The following WWOX variants were observed in gnomAD, a reference collection of about 807,000 sequenced individuals.
The protein encoded by WWOX is WW domain containing oxidoreductase, also known as WW domain-containing oxidoreductase.
Under a neutral mutation model 46.2 loss-of-function variants are expected in WWOX, and 69 were observed. That is an observed-to-expected ratio of 1.49 (90% CI 1.23 to 1.82). The LOEUF (loss-of-function observed/expected upper bound fraction) is 1.82, where lower values mean the gene tolerates loss of function less well. Ranked by LOEUF, WWOX falls within the 40% of genes most tolerant of loss-of-function variation. The probability of loss-of-function intolerance (pLI) is 0.00; values close to 1 mark genes in which losing one functional copy is unlikely to be tolerated. For synonymous variants in WWOX, 359 were observed against 202.6 expected (o/e 1.77, Z -6.56); for missense variants, 919 against 542.6 (o/e 1.69, Z -6.89).
intron 8 of WWOX, among the ~76,000 whole-genome samples, chr16:79,045,247 A>G (rs2048042983): frequency 6.6e-6 from 1 of 152,226 alleles, no homozygotes; most frequent in Non-Finnish European, 1.5e-5. Context: ...AGAGCTTTCT[A>G]AGGGTACAGA....
chr16:78,832,769 G>A (rs1021818258), intron 8 of WWOX, among the ~76,000 whole-genome samples: 1 of 152,124 alleles, frequency 6.6e-6, no homozygotes, highest in African/African-American at 2.4e-5. Flanking sequence ...AGGTGAGTTG[G>A]GGAGGCGCCT....
At chr16:78,421,182 G>C (rs1391365274) in intron 6 of WWOX, among the ~76,000 whole-genome samples, 4 of 152,158 alleles carry the variant, frequency 2.6e-5, no homozygotes, top group African/African-American at 9.7e-5. Context: ...CACAGATGGA[G>C]TGCCTCAAAA....
intron 8 of WWOX, among the ~76,000 whole-genome samples, chr16:78,654,200 G>A (rs1217799245): frequency 4.0e-5 from 6 of 151,564 alleles, no homozygotes; most frequent in Non-Finnish European, 8.9e-5. Flanking sequence ...TCACCTGGGT[G>A]GGCGATTTGA....
intron 4 of WWOX, among the ~76,000 whole-genome samples, chr16:78,141,974 C>G (rs146146695): frequency 7.1e-6 from 1 of 141,654 alleles, no homozygotes; most frequent in African/African-American, 2.7e-5. Context: ...TAAATTCTTC[C>G]TTATAAAATT....
chr16:78,753,108 A>T (rs2049527590), intron 8 of WWOX, among the ~76,000 whole-genome samples: 2 of 152,140 alleles, frequency 1.3e-5, no homozygotes, highest in Admixed American at 1.3e-4. Context: ...CATCCTGGCT[A>T]ACATGGTGAA....
chr16:79,106,272 G>C (rs1338970856), intron 8 of WWOX, among the ~76,000 whole-genome samples: 2 of 152,084 alleles, frequency 1.3e-5, no homozygotes, highest in African/African-American at 4.8e-5. Flanking sequence ...AACTTCCTAG[G>C]GGAGCACATT....
chr16:79,014,587 A>T (rs529921269), intron 8 of WWOX, among the ~76,000 whole-genome samples: 1 of 152,156 alleles, frequency 6.6e-6, no homozygotes, highest in South Asian at 2.1e-4. Context: ...AAACAACCCA[A>T]CTCCTAGCCA....
intron 8 of WWOX, among the ~76,000 whole-genome samples, chr16:79,048,342 C>A (rs536495536): frequency 6.6e-6 from 1 of 152,100 alleles, no homozygotes; most frequent in African/African-American, 2.4e-5. Context: ...ACACACATGC[C>A]GGTGCACCTG....
At chr16:78,147,689 TTTTTTTTAA>T (rs1475240723) in intron 4 of WWOX, among the ~76,000 whole-genome samples, 14 of 128,760 alleles carry the variant, frequency 1.1e-4, no homozygotes, top group Non-Finnish European at 1.8e-4. Flanking sequence ...TTTTTTTTTT[TTTTTTTTAA>T]AAAAAAAAAA....
At chr16:78,788,183 C>T (rs767991278) in intron 8 of WWOX, among the ~76,000 whole-genome samples, 3 of 152,136 alleles carry the variant, frequency 2.0e-5, no homozygotes, top group Non-Finnish European at 2.9e-5. Flanking sequence ...GATGTTGTTG[C>T]TTCTGTTTTT....
chr16:78,768,279 TAAAAAA>T lies in WWOX; in HGVS notation c.1056+335543_1056+335548del, dbSNP rs56280651. On this transcript the variant is annotated intron_variant, in intron 8 of 8. Transcript: ENST00000566780. ...GCAAGCCAAAAAGTGATAGATGAGT[TAAAAAA>T]AAAAAAAAAAAAAAAGTTGCCTGGC... 5.6e-3 allele frequency among the ~76,000 whole-genome samples: 511 copies of T among 91,968 alleles called. 10 individuals are homozygous for T. Among genetic ancestry groups the T allele is most frequent in the Middle Eastern group, 0.045 (5 of 110 alleles). 60.3% of individuals were successfully genotyped at this position (91,968 alleles called of 152,430 possible). A position where few individuals can be genotyped will look rare whatever the true frequency, so the allele number is the denominator to read the frequency against.
At chr16:78,585,676 TTTTTTTTTTTG>T (rs1360655376) in intron 8 of WWOX, among the ~76,000 whole-genome samples, 95 of 136,664 alleles carry the variant, frequency 7.0e-4, no homozygotes, top group African/African-American at 1.9e-3. Context: ...TTGTTTTGGG[TTTTTTTTTTTG>T]TTTTTTTTTG....
chr16:78,441,348 G>A (rs1191056457), intron 8 of WWOX, among the ~76,000 whole-genome samples: 3 of 152,216 alleles, frequency 2.0e-5, no homozygotes, highest in East Asian at 3.8e-4. Flanking sequence ...CATGAAAGAT[G>A]ACCAGGTGCT....
intron 8 of WWOX, among the ~76,000 whole-genome samples, chr16:78,600,697 G>A (rs79875412): frequency 0.014 from 2,097 of 152,226 alleles, 49 homozygotes; most frequent in African/African-American, 0.048. Flanking sequence ...GCCCTAGAAC[G>A]ACAGCAAGAC....
intron 8 of WWOX, among the ~76,000 whole-genome samples, chr16:79,038,469 A>G (rs1449419331): frequency 2.0e-5 from 3 of 152,184 alleles, no homozygotes; most frequent in African/African-American, 7.2e-5. Flanking sequence ...CTGGAAGGAA[A>G]TTTATTGAGA....
intron 7 of WWOX, among the ~76,000 whole-genome samples, chr16:78,431,149 C>G (rs896142102): frequency 6.6e-6 from 1 of 152,120 alleles, no homozygotes; most frequent in African/African-American, 2.4e-5. Flanking sequence ...GAGAAAGAGA[C>G]AAACGGAAAG....
At chr16:78,321,335 TGCG>T (rs2080469752) in intron 5 of WWOX, among the ~76,000 whole-genome samples, 1 of 56,538 alleles carries the variant, frequency 1.8e-5, no homozygotes, top group Non-Finnish European at 3.5e-5. Flanking sequence ...TACGTATATA[TGCG>T]TATATATATA....
chr16:78,444,119 T>C (rs533386578), intron 8 of WWOX, among the ~76,000 whole-genome samples: 224 of 152,330 alleles, frequency 1.5e-3, no homozygotes, highest in Non-Finnish European at 2.4e-3. Context: ...CCTCTCCCTC[T>C]TCTTTTTACA....
chr16:78,658,410 G>A (rs2047129861), intron 8 of WWOX, among the ~76,000 whole-genome samples: 1 of 152,174 alleles, frequency 6.6e-6, no homozygotes, highest in Admixed American at 6.5e-5. Context: ...ATTCTGTAAT[G>A]TAGTGTAGTT....
Sources: allele counts gnomAD v4.1 joint callset (sites outside exome capture counted in the v4.1 genomes callset), GRCh38; gene constraint gnomAD v4.1.1; transcripts MANE v1.5; gene names NCBI Gene and HGNC (gene_info 2026-07-23, HGNC 2026-07-21).